Variants in ARHGAP26 observed in about 807,000 individuals in gnomAD.
ARHGAP26 encodes the protein rho GTPase-activating protein 26.
A neutral mutation model predicts 104.8 loss-of-function variants in ARHGAP26; 38 were observed. The ratio of observed to expected loss-of-function variants is 0.36; its 90% CI spans 0.28 to 0.48. ARHGAP26 has a LOEUF of 0.48. Among genes scored for constraint, ARHGAP26 ranks in the 20% least tolerant of loss-of-function variants. The probability of loss-of-function intolerance (pLI) is 0.99; values close to 1 mark genes in which losing one functional copy is unlikely to be tolerated. For missense variants in ARHGAP26, 704 were observed against 947.9 expected (o/e 0.74, Z 3.38); for synonymous variants, 341 against 340.0 (o/e 1.00, Z -0.03).
intron 1 of ARHGAP26, among the ~76,000 whole-genome samples, chr5:142,844,925 C>T (rs190615680): frequency 9.2e-5 from 14 of 152,134 alleles, no homozygotes; most frequent in Admixed American, 2.6e-4. Context: ...GGCTATTCCT[C>T]CCCTGCTCTC....
chr5:143,101,338 T>G (rs1014751223), intron 17 of ARHGAP26, among the ~76,000 whole-genome samples: 2 of 152,238 alleles, frequency 1.3e-5, no homozygotes, highest in African/African-American at 2.4e-5. Context: ...CTTTCAGTGC[T>G]GGGGACCAAC....
At chr5:143,149,298 G>A (rs948386979) in intron 20 of ARHGAP26, among the ~76,000 whole-genome samples, 1 of 152,122 alleles carries the variant, frequency 6.6e-6, no homozygotes, top group Non-Finnish European at 1.5e-5. Flanking sequence ...GTCCTTCCAA[G>A]CTGAGTGAGT....
At chr5:143,136,026 C>T (rs964200476) in intron 19 of ARHGAP26, among the ~76,000 whole-genome samples, 9 of 152,162 alleles carry the variant, frequency 5.9e-5, no homozygotes, top group South Asian at 4.1e-4. Flanking sequence ...AGGACAGCCA[C>T]GGTCACCTAA....
intron 17 of ARHGAP26, among the ~76,000 whole-genome samples, chr5:143,092,706 T>G (rs1263785228): frequency 1.3e-5 from 2 of 152,238 alleles, no homozygotes; most frequent in Non-Finnish European, 2.9e-5. Flanking sequence ...GTTGAAAACC[T>G]TTTAAGTTTG....
intron 1 of ARHGAP26, among the ~76,000 whole-genome samples, chr5:142,796,949 C>T (rs999859084): frequency 5.9e-5 from 9 of 152,196 alleles, no homozygotes; most frequent in Non-Finnish European, 1.3e-4. Context: ...CACTGGGAAG[C>T]TCACTAGCTA....
At chr5:142,945,154 C>A (rs1013676922) in intron 11 of ARHGAP26, among the ~76,000 whole-genome samples, 1 of 152,138 alleles carries the variant, frequency 6.6e-6, no homozygotes, top group Non-Finnish European at 1.5e-5. Flanking sequence ...GAAAGTACCC[C>A]ATCCCATCTC....
At chr5:142,775,989 T>A (rs2151816531) in intron 1 of ARHGAP26, among the ~76,000 whole-genome samples, 1 of 152,332 alleles carries the variant, frequency 6.6e-6, no homozygotes, top group South Asian at 2.1e-4. Flanking sequence ...TGGTTGTCTC[T>A]CACAAGAACA....
chr5:143,155,355 A>C (rs1359611555), intron 20 of ARHGAP26, among the ~76,000 whole-genome samples: 2 of 151,988 alleles, frequency 1.3e-5, no homozygotes, highest in Non-Finnish European at 2.9e-5. Context: ...TACTGGTGTG[A>C]CCCATTTTCT....
At chr5:142,899,903 G>A (rs1439221167) in intron 6 of ARHGAP26, among the ~76,000 whole-genome samples, 1 of 152,192 alleles carries the variant, frequency 6.6e-6, no homozygotes, top group Non-Finnish European at 1.5e-5. Context: ...TGCCCAGGTG[G>A]CATCTTAGTG....
At chr5:143,148,178 A>G (rs1348434102) in intron 20 of ARHGAP26, among the ~76,000 whole-genome samples, 2 of 152,110 alleles carry the variant, frequency 1.3e-5, no homozygotes, top group Non-Finnish European at 2.9e-5. Flanking sequence ...AAAACAGATG[A>G]TTTTCCCATT....
intron 10 of ARHGAP26, among the ~76,000 whole-genome samples, chr5:142,914,042 A>G (rs1341975745): frequency 1.3e-5 from 2 of 152,242 alleles, no homozygotes; most frequent in Admixed American, 6.5e-5. Context: ...AAATCTCAGC[A>G]TGATACTCCG....
chr5:143,205,768 T>G (rs1403528793), intron 20 of ARHGAP26, among the ~76,000 whole-genome samples: 1 of 152,252 alleles, frequency 6.6e-6, no homozygotes, highest in Non-Finnish European at 1.5e-5. Context: ...ATGGGAATTA[T>G]AGCAGTACTT....
intron 16 of ARHGAP26, among the ~76,000 whole-genome samples, chr5:143,057,052 C>T (rs1324634884): frequency 6.6e-6 from 1 of 152,152 alleles, no homozygotes; most frequent in Non-Finnish European, 1.5e-5. Flanking sequence ...AGCCACTTAC[C>T]TTGGTTCAAC....
chr5:143,092,207 A>G lies in ARHGAP26; in HGVS notation c.1539-28781A>G, dbSNP rs1490543973. Among the ~76,000 whole-genome samples, 3 of 116,768 alleles carry G rather than the reference A, an allele frequency of 2.6e-5. No individual in the cohort carries two copies. In the East Asian group the frequency reaches 7.4e-4, roughly 29 times the overall value. 76.6% of individuals were successfully genotyped at this position (116,768 alleles called of 152,430 possible). A position where few individuals can be genotyped will look rare whatever the true frequency, so the allele number is the denominator to read the frequency against. On this transcript the variant is annotated intron_variant, in intron 17 of 22. Coordinates refer to ENST00000645722, the MANE Select transcript of ARHGAP26 (RefSeq NM_001135608.3). ...TTGAGATGGAGTCTCCCTCTCGCCC[A>G]GGCTGGAGTGCAGTGGCACGATCTC... is the stretch of plus-strand genomic sequence containing the variant.
At chr5:142,992,958 T>C (rs567475790) in intron 11 of ARHGAP26, among the ~76,000 whole-genome samples, 1 of 152,152 alleles carries the variant, frequency 6.6e-6, no homozygotes, top group Non-Finnish European at 1.5e-5. Context: ...TTTGAAGAGC[T>C]TCCTGAGTCC....
At chr5:143,052,872 T>A (rs767155006) in intron 14 of ARHGAP26, among the ~76,000 whole-genome samples, 1 of 152,230 alleles carries the variant, frequency 6.6e-6, no homozygotes, top group Non-Finnish European at 1.5e-5. Context: ...TCTTCATTGA[T>A]GTCCCAGAAT....
intron 19 of ARHGAP26, among the ~76,000 whole-genome samples, chr5:143,134,650 C>T (rs73796896): frequency 6.6e-6 from 1 of 152,310 alleles, no homozygotes; most frequent in African/African-American, 2.4e-5. Flanking sequence ...CTTACTTGTT[C>T]CAAATACCAG....
At chr5:143,166,507 C>T (rs749489139) in intron 20 of ARHGAP26, among the ~76,000 whole-genome samples, 1 of 152,146 alleles carries the variant, frequency 6.6e-6, no homozygotes, top group Admixed American at 6.6e-5. Flanking sequence ...CTCAGTGCTC[C>T]CCTCTGGCTT....
At chr5:143,030,152 A>G (rs942890659) in intron 12 of ARHGAP26, among the ~76,000 whole-genome samples, 1 of 152,224 alleles carries the variant, frequency 6.6e-6, no homozygotes, top group Non-Finnish European at 1.5e-5. Context: ...GGAGTTGAGC[A>G]ACTGCAGGTC....
Sources: allele counts gnomAD v4.1 joint callset (sites outside exome capture counted in the v4.1 genomes callset), GRCh38; gene constraint gnomAD v4.1.1; transcripts MANE v1.5; gene names NCBI Gene and HGNC (gene_info 2026-07-23, HGNC 2026-07-21).